Variants in BEND6 observed in about 807,000 individuals in gnomAD.
BEND6 encodes BEN domain-containing protein 6.
BEND6 carries 24 observed loss-of-function variants against 31.8 expected under a neutral mutation model. The ratio of observed to expected loss-of-function variants is 0.75; its 90% CI spans 0.55 to 1.06. The LOEUF is 1.06. Ranked by LOEUF, BEND6 falls within the 50% of genes least tolerant of loss-of-function variation. The probability of loss-of-function intolerance (pLI) is 0.00; values close to 1 mark genes in which losing one functional copy is unlikely to be tolerated. For missense variants in BEND6, 294 were observed against 327.4 expected (o/e 0.90, Z 0.79); for synonymous variants, 109 against 114.6 (o/e 0.95, Z 0.31).
At position 56,977,940 on chromosome 6, in the gene BEND6, G is replaced by C. The variant is rs544817195; in HGVS notation, c.-100-3771G>C. 2.0e-5 allele frequency among the ~76,000 whole-genome samples: 3 copies of C among 152,088 alleles called. No homozygotes were observed. In the South Asian group the frequency reaches 6.2e-4, roughly 32 times the overall value. ...CCACTACACTCCAGCCTGAGTGACA[G>C]AGCAAGACCCTATCTCAAAAGAAAG... On this transcript the variant is annotated intron_variant, in intron 1 of 6. Coordinates refer to ENST00000370746, the MANE Select transcript of BEND6 (RefSeq NM_152731.3).
chr6:57,010,948 AT>A, intron 3 of BEND6: 1 of 421,198 alleles, frequency 2.4e-6, no homozygotes, highest in Non-Finnish European at 3.2e-6. Context: ...AATGCTTAAT[AT>A]ATAAGGGAGT....
intron 6 of BEND6, among the ~76,000 whole-genome samples, chr6:57,022,574 T>C (rs111317872): frequency 0.024 from 3,676 of 152,190 alleles, 138 homozygotes; most frequent in African/African-American, 0.085. Flanking sequence ...AAAACACCAG[T>C]TTTTTCTTTC....
At chr6:56,994,524 G>T (rs576348152) in intron 3 of BEND6, among the ~76,000 whole-genome samples, 1 of 140,918 alleles carries the variant, frequency 7.1e-6, no homozygotes, top group South Asian at 2.4e-4. Flanking sequence ...TGTGAAGCCC[G>T]ACTTTGCTGT....
chr6:56,962,839 G>A (rs895442305), intron 1 of BEND6, among the ~76,000 whole-genome samples: 2 of 152,148 alleles, frequency 1.3e-5, no homozygotes, highest in African/African-American at 4.8e-5. Context: ...AGAAGGCATG[G>A]AATAACATGC....
chr6:56,958,791 A>G (rs1420378584), intron 1 of BEND6, among the ~76,000 whole-genome samples: 1 of 152,164 alleles, frequency 6.6e-6, no homozygotes. Flanking sequence ...CAGATGCACA[A>G]ATGGGAGTCT....
intron 2 of BEND6, among the ~76,000 whole-genome samples, chr6:56,990,365 G>C (rs1263447287): frequency 6.9e-6 from 1 of 145,564 alleles, no homozygotes; most frequent in Non-Finnish European, 1.5e-5. Context: ...TCCCATCTCA[G>C]CCCCCCGAGT....
At chr6:57,001,410 A>G (rs1182359219) in intron 3 of BEND6, among the ~76,000 whole-genome samples, 1 of 152,118 alleles carries the variant, frequency 6.6e-6, no homozygotes, top group Admixed American at 6.6e-5. Context: ...GTGATCCACT[A>G]CCTTGGGTTC....
chr6:56,965,676 T>TTATATATATATATATATATA (rs35074783), intron 1 of BEND6, among the ~76,000 whole-genome samples: 4 of 136,556 alleles, frequency 2.9e-5, no homozygotes, highest in East Asian at 2.1e-4. Flanking sequence ...ACAAAAAAAT[T>TTATATATATATATATATATA]TATATATATA....
In BEND6 at chr6:56,964,488, C is replaced by T. The variant is rs1825398907; in HGVS notation, c.-101+9028C>T. ...CCAAATGCCATCCCTGCTAAGTCCC[C>T]TGTTCCTCTGTCTTTTTGTCTTTTT... On this transcript the variant is annotated intron_variant, in intron 1 of 6. Transcript: ENST00000370746. 2.0e-5 allele frequency among the ~76,000 whole-genome samples: 3 copies of T among 151,948 alleles called. No homozygotes were observed. In the South Asian group the frequency reaches 6.2e-4, roughly 32 times the overall value.
At chr6:56,958,759 CCAA>C (rs1251057133) in intron 1 of BEND6, among the ~76,000 whole-genome samples, 1 of 152,126 alleles carries the variant, frequency 6.6e-6, no homozygotes, top group Non-Finnish European at 1.5e-5. Flanking sequence ...AGGGAGTGTT[CCAA>C]TTTAGTGGCT....
chr6:57,008,340 A>G (rs573189597), intron 3 of BEND6: 3 of 653,190 alleles, frequency 4.6e-6, no homozygotes, highest in African/African-American at 3.6e-5. Context: ...ATGCAAGGCT[A>G]CTACTGATCA....
chr6:57,016,110 A>C (rs1052798484), intron 4 of BEND6, among the ~76,000 whole-genome samples: 1 of 152,198 alleles, frequency 6.6e-6, no homozygotes, highest in Non-Finnish European at 1.5e-5. Flanking sequence ...TATATCATTG[A>C]GAGGTAAATT....
chr6:56,964,030 T>C (rs1825381604), intron 1 of BEND6, among the ~76,000 whole-genome samples: 1 of 148,068 alleles, frequency 6.8e-6, no homozygotes, highest in Non-Finnish European at 1.5e-5. Context: ...ATTATTACAA[T>C]TAATATTATA....
At chr6:56,968,312 C>CTTTTTTTTTTTTTTTTTTTTTTTTTT (rs779756084) in intron 1 of BEND6, among the ~76,000 whole-genome samples, 1 of 65,988 alleles carries the variant, frequency 1.5e-5, no homozygotes, top group African/African-American at 6.6e-5. Context: ...TCTTTCTTTT[C>CTTTTTTTTTTTTTTTTTTTTTTTTTT]TTTTTTTTTT....
At chr6:56,999,689 C>T (rs1562550775) in intron 3 of BEND6, among the ~76,000 whole-genome samples, 1 of 152,230 alleles carries the variant, frequency 6.6e-6, no homozygotes, top group East Asian at 1.9e-4. Context: ...CCACTGTGTA[C>T]TCCACCAATC....
chr6:57,014,338 C>CA, intron 3 of BEND6: 1 of 467,876 alleles, frequency 2.1e-6, no homozygotes, highest in Non-Finnish European at 3.7e-6. Flanking sequence ...AAGAAAAGTA[C>CA]AAAAAAAGTT....
intron 1 of BEND6, among the ~76,000 whole-genome samples, chr6:56,958,500 C>CA (rs1159596166): frequency 6.6e-6 from 1 of 152,126 alleles, no homozygotes; most frequent in African/African-American, 2.4e-5. Flanking sequence ...GAGAAGATAA[C>CA]AAACTGCATT....
intron 3 of BEND6, among the ~76,000 whole-genome samples, chr6:56,999,437 T>C (rs1826843173): frequency 6.6e-6 from 1 of 152,274 alleles, no homozygotes; most frequent in Non-Finnish European, 1.5e-5. Flanking sequence ...AAGCATCTAT[T>C]GCACTCACTT....
chr6:56,985,342 T>G (rs1826219589), intron 2 of BEND6, among the ~76,000 whole-genome samples: 1 of 152,192 alleles, frequency 6.6e-6, no homozygotes, highest in African/African-American at 2.4e-5. Flanking sequence ...TATTTCCCTC[T>G]TACCTAATAG....
Sources: allele counts gnomAD v4.1 joint callset (sites outside exome capture counted in the v4.1 genomes callset), GRCh38; gene constraint gnomAD v4.1.1; transcripts MANE v1.5; gene names NCBI Gene and HGNC (gene_info 2026-07-23, HGNC 2026-07-21).